The following SNX7 variants were observed in gnomAD, a reference collection of about 807,000 sequenced individuals.
SNX7 encodes sorting nexin 7, also known as sorting nexin-7.
In SNX7, 35 loss-of-function variants were observed where a neutral mutation model predicts 48.4. The ratio of observed to expected loss-of-function variants is 0.72; its 90% CI spans 0.55 to 0.96. SNX7 has a LOEUF of 0.96. SNX7 is among the 40% of genes least tolerant of loss of function. The probability of loss-of-function intolerance (pLI) is 0.00; values close to 1 mark genes in which losing one functional copy is unlikely to be tolerated. For missense variants in SNX7, 553 were observed against 548.9 expected (o/e 1.01, Z -0.07); for synonymous variants, 190 against 190.2 (o/e 1.00, Z 0.01).
chr1:98,669,443 T>C (rs1649725842), intron 1 of SNX7, among the ~76,000 whole-genome samples: 1 of 152,208 alleles, frequency 6.6e-6, no homozygotes, highest in Non-Finnish European at 1.5e-5. Flanking sequence ...GCTCTGATCA[T>C]ATTGTCACCA....
intron 8 of SNX7, among the ~76,000 whole-genome samples, chr1:98,749,660 T>C (rs1407701058): frequency 6.6e-6 from 1 of 152,114 alleles, no homozygotes; most frequent in Non-Finnish European, 1.5e-5. Context: ...TGATTACATT[T>C]CAGAATTTGA....
chr1:98,687,487 C>A (rs1390036001), intron 2 of SNX7, among the ~76,000 whole-genome samples: 2 of 151,950 alleles, frequency 1.3e-5, no homozygotes, highest in East Asian at 1.9e-4. Flanking sequence ...ATCAAATAGT[C>A]TTTTCTTATT....
intron 1 of SNX7, among the ~76,000 whole-genome samples, chr1:98,675,841 T>G (rs982917913): frequency 2.0e-5 from 3 of 152,180 alleles, no homozygotes; most frequent in African/African-American, 7.2e-5. Context: ...ATTATTTATC[T>G]ATGCAACCTT....
intron 2 of SNX7, among the ~76,000 whole-genome samples, chr1:98,686,577 A>G (rs527551755): frequency 2.0e-5 from 3 of 152,262 alleles, no homozygotes; most frequent in African/African-American, 7.2e-5. Flanking sequence ...TAAGTAAACT[A>G]TTTATTTTGT....
At chr1:98,719,594 C>T (rs182313215) in intron 7 of SNX7, among the ~76,000 whole-genome samples, 33 of 151,930 alleles carry the variant, frequency 2.2e-4, no homozygotes, top group Admixed American at 8.5e-4. Context: ...ACTTCTTATT[C>T]GGGAAATTAG....
At chr1:98,701,569 G>T (rs1428530358) in intron 6 of SNX7, among the ~76,000 whole-genome samples, 1 of 150,934 alleles carries the variant, frequency 6.6e-6, no homozygotes, top group Non-Finnish European at 1.5e-5. Context: ...GCTTAAATGG[G>T]TAAAATGTGC....
At chr1:98,746,901 A>C (rs994028111) in intron 8 of SNX7, among the ~76,000 whole-genome samples, 45 of 152,186 alleles carry the variant, frequency 3.0e-4, no homozygotes, top group African/African-American at 1.0e-3. Context: ...ATTCAAGCCA[A>C]AGTTAGTTTG....
At chr1:98,696,039 C>T (rs971636149) in intron 5 of SNX7, among the ~76,000 whole-genome samples, 8 of 152,126 alleles carry the variant, frequency 5.3e-5, no homozygotes, top group African/African-American at 1.9e-4. Context: ...AGTGATGTTT[C>T]AGGAAATAGG....
chr1:98,682,551 T>A (rs2100935421), intron 1 of SNX7, among the ~76,000 whole-genome samples: 1 of 152,332 alleles, frequency 6.6e-6, no homozygotes, highest in Admixed American at 6.5e-5. Context: ...ATATGTATAA[T>A]TCTAGGTTGA....
chr1:98,707,660 A>G (rs1299953145), intron 7 of SNX7, among the ~76,000 whole-genome samples: 1 of 152,264 alleles, frequency 6.6e-6, no homozygotes, highest in African/African-American at 2.4e-5. Flanking sequence ...GCAGCATTCA[A>G]ATATAAATGA....
chr1:98,680,693 G>T (rs1423491926), intron 1 of SNX7, among the ~76,000 whole-genome samples: 1 of 152,100 alleles, frequency 6.6e-6, no homozygotes, highest in Non-Finnish European at 1.5e-5. Context: ...GGGGCAAAAT[G>T]CCACCAGTCT....
At chr1:98,746,885 C>T (rs1351637472) in intron 8 of SNX7, among the ~76,000 whole-genome samples, 1 of 151,974 alleles carries the variant, frequency 6.6e-6, no homozygotes, top group Non-Finnish European at 1.5e-5. Context: ...CTGCAGGAAT[C>T]TTTATATTCA....
intron 1 of SNX7, among the ~76,000 whole-genome samples, chr1:98,668,241 G>T (rs946143863): frequency 2.6e-5 from 4 of 152,148 alleles, no homozygotes; most frequent in African/African-American, 7.2e-5. Context: ...TTCAGTGACT[G>T]AAAAACCAGT....
chr1:98,742,555 C>T (rs1205724078), intron 8 of SNX7, among the ~76,000 whole-genome samples: 1 of 151,888 alleles, frequency 6.6e-6, no homozygotes, highest in Non-Finnish European at 1.5e-5. Flanking sequence ...ATAGTTCATT[C>T]CTTTGAATAG....
At chr1:98,695,320 G>A (rs1651391744) in intron 4 of SNX7, among the ~76,000 whole-genome samples, 198 bp from the exon 5 acceptor site, 1 of 152,108 alleles carries the variant, frequency 6.6e-6, no homozygotes, top group South Asian at 2.1e-4. Flanking sequence ...GTGTGAAAGG[G>A]AATATTATTG....
intron 2 of SNX7, among the ~76,000 whole-genome samples, chr1:98,689,352 T>C (rs1199936649): frequency 2.0e-5 from 3 of 152,196 alleles, no homozygotes; most frequent in Non-Finnish European, 2.9e-5. Flanking sequence ...AAGAGAAGAA[T>C]GAAATCTTAC....
intron 7 of SNX7, among the ~76,000 whole-genome samples, chr1:98,732,626 G>A (rs1487862928): frequency 2.6e-5 from 4 of 152,042 alleles, no homozygotes; most frequent in African/African-American, 9.7e-5. Context: ...TAGTGAATTG[G>A]GGTTCAGATT....
chr1:98,686,456 A>G (rs1355310726), intron 2 of SNX7, among the ~76,000 whole-genome samples: 1 of 152,196 alleles, frequency 6.6e-6, no homozygotes, highest in African/African-American at 2.4e-5. Context: ...ATCTACCTGT[A>G]TGTGAATAGA....
At chr1:98,737,907 T>A (rs538866296) in intron 7 of SNX7, among the ~76,000 whole-genome samples, 1 of 152,062 alleles carries the variant, frequency 6.6e-6, no homozygotes, top group African/African-American at 2.4e-5. Flanking sequence ...GTAAGGAGAG[T>A]CTTAATACAA....
Sources: gnomAD v4.1 joint callset for allele counts (sites outside exome capture counted in the v4.1 genomes callset) on GRCh38, gnomAD v4.1.1 for gene constraint, MANE v1.5 for transcripts, NCBI Gene and HGNC (gene_info 2026-07-23, HGNC 2026-07-21) for gene names.